Variants in MOB3A observed in about 807,000 individuals in gnomAD.
MOB3A encodes MOB LAK.
A neutral mutation model predicts 17.8 loss-of-function variants in MOB3A; 17 were observed. That is an observed-to-expected ratio of 0.95 (90% CI 0.65 to 1.43). MOB3A has a LOEUF of 1.43. Ranked by LOEUF, MOB3A falls within the 40% of genes most tolerant of loss-of-function variation. The probability of loss-of-function intolerance (pLI) is 0.00; values close to 1 mark genes in which losing one functional copy is unlikely to be tolerated. For missense variants in MOB3A, 333 were observed against 310.8 expected (o/e 1.07, Z -0.54); for synonymous variants, 124 against 133.2 (o/e 0.93, Z 0.48).
chr19:2,079,109 GGCCACCTCCTCA>G (rs1479675637), intron 2 of MOB3A, among the ~76,000 whole-genome samples: 1 of 152,192 alleles, frequency 6.6e-6, no homozygotes, highest in African/African-American at 2.4e-5. Flanking sequence ...ACCCAAAGGG[GGCCACCTCCTCA>G]GTGGACAGAA....
At chr19:2,092,714 C>T (rs964423393) in intron 1 of MOB3A, among the ~76,000 whole-genome samples, 13 of 140,174 alleles carry the variant, frequency 9.3e-5, no homozygotes, top group Admixed American at 4.5e-4. Flanking sequence ...GCCCTGGTTG[C>T]GCCACTGCAC....
At chr19:2,074,532 G>C (rs542561997) in intron 4 of MOB3A, among the ~76,000 whole-genome samples, 55 of 152,064 alleles carry the variant, frequency 3.6e-4, no homozygotes, top group African/African-American at 1.3e-3. Context: ...CAAAAATGAG[G>C]AAGTTATGTG....
intron 1 of MOB3A, among the ~76,000 whole-genome samples, chr19:2,086,319 C>T (rs1038493737): frequency 6.6e-6 from 1 of 151,048 alleles, no homozygotes; most frequent in Non-Finnish European, 1.5e-5. Flanking sequence ...GGATTACAGG[C>T]GTGAACCATA....
At chr19:2,079,251 G>C (rs899502884) in intron 2 of MOB3A, among the ~76,000 whole-genome samples, 1 of 152,266 alleles carries the variant, frequency 6.6e-6, no homozygotes, top group African/African-American at 2.4e-5. Flanking sequence ...ACCTAGACTT[G>C]CTGCTACCCA....
At chr19:2,081,363 G>A (rs1299000554) in intron 2 of MOB3A, among the ~76,000 whole-genome samples, 1 of 152,134 alleles carries the variant, frequency 6.6e-6, no homozygotes, top group Non-Finnish European at 1.5e-5. Flanking sequence ...CGAGGCGGGT[G>A]GATCACCTGA....
chr19:2,085,006 G>A (rs916126762), intron 2 of MOB3A, among the ~76,000 whole-genome samples, 169 bp downstream of exon 2: 1 of 152,060 alleles, frequency 6.6e-6, no homozygotes, highest in Non-Finnish European at 1.5e-5. Flanking sequence ...TTACAGACGT[G>A]AGCCACCATG....
chr19:2,077,024 AG>A lies in MOB3A; in HGVS notation c.422-12del. The A allele has an allele frequency of 1.2e-6, 2 of 1,610,806 alleles. No homozygotes were observed. The highest frequency in any genetic ancestry group is 8.5e-7 in the Non-Finnish European group (1 of 1,178,860). On this transcript the variant is annotated splice_polypyrimidine_tract_variant and intron_variant, in intron 3 of 4. Transcript: ENST00000357066. ...TGGGAAACGGAGTGCCTGCAGGGAG[AG>A]GGGTGGGACGGGTCCACGGACTCAG...
intron 4 of MOB3A, among the ~76,000 whole-genome samples, chr19:2,074,843 G>A (rs1219086962): frequency 9.9e-5 from 15 of 151,840 alleles, no homozygotes; most frequent in Non-Finnish European, 1.5e-4. Flanking sequence ...TCAGCCTCCC[G>A]AGTAGCTGGA....
chr19:2,090,666 C>A (rs938874237), intron 1 of MOB3A, among the ~76,000 whole-genome samples: 2 of 151,998 alleles, frequency 1.3e-5, no homozygotes, highest in Non-Finnish European at 1.5e-5. Flanking sequence ...GATACAAATA[C>A]GTTATTTTTT....
At chr19:2,075,239 A>G (rs971208721) in intron 4 of MOB3A, among the ~76,000 whole-genome samples, 5 of 152,108 alleles carry the variant, frequency 3.3e-5, no homozygotes, top group South Asian at 4.1e-4. Flanking sequence ...TATGTTGTCC[A>G]GGCTGTTCTC....
At chr19:2,079,446 A>C (rs941235760) in intron 2 of MOB3A, among the ~76,000 whole-genome samples, 1 of 152,238 alleles carries the variant, frequency 6.6e-6, no homozygotes, top group Non-Finnish European at 1.5e-5. Context: ...AGTCAGTGAC[A>C]AACATCCTCA....
Position 2,075,969 on chromosome 19 carries a change from A to G in MOB3A, c.624+842T>C, listed in dbSNP as rs534719770. On this transcript the variant is annotated intron_variant, in intron 4 of 4. Coordinates refer to ENST00000357066, the MANE Select transcript of MOB3A (RefSeq NM_130807.3). ...AAAACCTGGTCTCTACTAAAAATAC[A>G]AAAATTAGCGGGGTGTGGTGGCACG... Among the ~76,000 whole-genome samples the G allele has an allele frequency of 5.1e-4, 78 of 152,110 alleles. 1 individual carries two copies. Among genetic ancestry groups the G allele is most frequent in the African/African-American group, 1.8e-3 (73 of 41,506 alleles).
In MOB3A at chr19:2,073,364, C is replaced by T. The variant is rs201344352; in HGVS notation, c.*31G>A. On this transcript the variant is annotated 3_prime_UTR_variant, in exon 5 of 5. Transcript: ENST00000357066. ...CTCCAAGTCTCCGAGGCCCCAGCGG[C>T]GGTTCGGGCACCGGGAGACCCGCGG... is the stretch of plus-strand genomic sequence containing the variant. 7.4e-5 allele frequency: 120 copies of T among 1,612,266 alleles called. No homozygotes were observed. Among genetic ancestry groups the T allele is most frequent in the Non-Finnish European group, 2.4e-5 (28 of 1,179,626 alleles).
rs1338299302 is a variant in MOB3A, at chr19:2,074,996, C to T, written c.625-1572G>A. Among the ~76,000 whole-genome samples, 3 of 150,902 alleles carry T rather than the reference C, an allele frequency of 2.0e-5. No individual in the cohort carries two copies. The East Asian group carries it at 5.8e-4, about 29-fold the overall frequency. On this transcript the variant is annotated intron_variant, in intron 4 of 4. Transcript: ENST00000357066. Reference sequence around the variant, plus strand: ...CATTCCAAAGTGCTGGGATTACAGGCGTGAGCCACCACGCCGGGCCTTAAT... The same window carrying T: ...CATTCCAAAGTGCTGGGATTACAGGTGTGAGCCACCACGCCGGGCCTTAAT...
intron 1 of MOB3A, chr19:2,090,299 C>G (rs2017598955): frequency 6.6e-6 from 1 of 152,318 alleles, no homozygotes; most frequent in African/African-American, 2.4e-5. Context: ...CACCCCCGAC[C>G]ACTTCCTTTT....
intron 2 of MOB3A, among the ~76,000 whole-genome samples, chr19:2,080,336 G>A (rs920900312): frequency 2.0e-5 from 3 of 152,026 alleles, no homozygotes; most frequent in African/African-American, 7.2e-5. Flanking sequence ...ACGCTCACAA[G>A]TAATAAACAC....
chr19:2,076,545 C>T (rs1426984495), intron 4 of MOB3A, among the ~76,000 whole-genome samples: 2 of 152,196 alleles, frequency 1.3e-5, no homozygotes, highest in Non-Finnish European at 2.9e-5. Flanking sequence ...GAGCTCAGGA[C>T]GGTGAAGGCG....
intron 1 of MOB3A, 77 bp downstream of exon 1, chr19:2,096,149 C>T (rs1412213593): frequency 6.5e-6 from 1 of 153,570 alleles, no homozygotes; most frequent in African/African-American, 2.4e-5. Flanking sequence ...TCGGTCTCCT[C>T]GCCGCCTAAG....
intron 2 of MOB3A, among the ~76,000 whole-genome samples, chr19:2,080,138 C>G (rs2017468247): frequency 6.6e-6 from 1 of 152,212 alleles, no homozygotes; most frequent in South Asian, 2.1e-4. Context: ...AGACCCCACC[C>G]TGCTCTGCTG....
Sources: allele counts gnomAD v4.1 joint callset (sites outside exome capture counted in the v4.1 genomes callset), GRCh38; gene constraint gnomAD v4.1.1; transcripts MANE v1.5; gene names NCBI Gene and HGNC (gene_info 2026-07-23, HGNC 2026-07-21).